FBXL17: variants seen among roughly 807,000 people sequenced by gnomAD.
FBXL17 encodes the protein F-box/LRR-repeat protein 17.
In FBXL17, 22 loss-of-function variants were observed where a neutral mutation model predicts 66.2. The ratio of observed to expected loss-of-function variants is 0.33; its 90% CI spans 0.24 to 0.47. FBXL17 has a LOEUF of 0.47. Among genes scored for constraint, FBXL17 ranks in the 20% least tolerant of loss-of-function variants. FBXL17 has a pLI of 1.00. For missense variants in FBXL17, 878 were observed against 948.2 expected (o/e 0.93, Z 0.97); for synonymous variants, 474 against 400.5 (o/e 1.18, Z -2.19).
chr5:108,288,692 A>G (rs901017182), intron 4 of FBXL17, among the ~76,000 whole-genome samples: 2 of 152,088 alleles, frequency 1.3e-5, no homozygotes, highest in African/African-American at 4.8e-5. Context: ...ATTAAAATTT[A>G]AAAGTCAGGA....
rs563235975 is a variant in FBXL17, at chr5:107,942,660, C to T, written c.1823-61481G>A. 2.0e-5 allele frequency among the ~76,000 whole-genome samples: 3 copies of T among 152,152 alleles called. No homozygotes were observed. The East Asian group carries it at 5.8e-4, about 29-fold the overall frequency. ...TCTTCACCTGTGCTTCCAGTGCACT[C>T]ATGACTACTACTCTGGGATTTTGTC... On this transcript the variant is annotated intron_variant, in intron 7 of 8. Coordinates refer to ENST00000542267, the MANE Select transcript of FBXL17 (RefSeq NM_001163315.3).
chr5:108,357,847 A>C (rs73216333), intron 3 of FBXL17, among the ~76,000 whole-genome samples: 2,202 of 150,864 alleles, frequency 0.015, 47 homozygotes, highest in African/African-American at 0.049. Flanking sequence ...ACTTCAGAAG[A>C]AATTTGAACA....
intron 7 of FBXL17, among the ~76,000 whole-genome samples, chr5:107,977,979 T>A (rs1261985190): frequency 1.3e-5 from 2 of 152,160 alleles, no homozygotes; most frequent in African/African-American, 4.8e-5. Context: ...TGGAAGGCCA[T>A]GATCTCTAAC....
rs1247682068 is a variant in FBXL17, at chr5:108,316,221, GA to G, written c.1506+32177del. Among the ~76,000 whole-genome samples, 5 of 147,876 alleles carry G rather than the reference GA, an allele frequency of 3.4e-5. No homozygotes were observed. The South Asian group carries it at 8.5e-4, about 25-fold the overall frequency. On this transcript the variant is annotated intron_variant, in intron 4 of 8. Coordinates refer to ENST00000542267, the MANE Select transcript of FBXL17 (RefSeq NM_001163315.3). ...CATGACCCTCTAAAACTTCAAAGGA[GA>G]AAAAAAAACAGTGACAAACTGTTAT...
intron 2 of FBXL17, among the ~76,000 whole-genome samples, chr5:108,366,072 G>GT (rs754052006): frequency 2.6e-5 from 4 of 152,070 alleles, no homozygotes; most frequent in East Asian, 3.8e-4. Flanking sequence ...ACCACAGCGT[G>GT]TAAGTTTTTA....
intron 4 of FBXL17, chr5:108,298,360 G>A (rs951936801): frequency 2.0e-6 from 2 of 981,796 alleles, no homozygotes; most frequent in Non-Finnish European, 2.4e-6. Context: ...TCTGTGCATA[G>A]AGAAAGTTAT....
intron 6 of FBXL17, among the ~76,000 whole-genome samples, chr5:108,149,662 T>C (rs1751693437): frequency 6.6e-6 from 1 of 152,242 alleles, no homozygotes; most frequent in Non-Finnish European, 1.5e-5. Context: ...ATACCAATCT[T>C]GGTACTCTTA....
At chr5:108,004,186 C>T (rs931714205) in intron 7 of FBXL17, among the ~76,000 whole-genome samples, 6 of 152,050 alleles carry the variant, frequency 3.9e-5, no homozygotes, top group African/African-American at 1.2e-4. Context: ...AAATTTAATT[C>T]CTAAATTGTA....
chr5:108,356,375 C>T (rs1198738388), intron 3 of FBXL17, among the ~76,000 whole-genome samples: 1 of 152,138 alleles, frequency 6.6e-6, no homozygotes, highest in African/African-American at 2.4e-5. Flanking sequence ...CAAAAACCTA[C>T]ACACAGAAGT....
At chr5:107,971,393 C>T (rs1334333411) in intron 7 of FBXL17, among the ~76,000 whole-genome samples, 1 of 152,154 alleles carries the variant, frequency 6.6e-6, no homozygotes, top group Non-Finnish European at 1.5e-5. Context: ...AGGTCTTTTT[C>T]AAGGCGCACT....
intron 7 of FBXL17, among the ~76,000 whole-genome samples, chr5:108,015,635 T>A (rs1754354146): frequency 6.6e-6 from 1 of 152,150 alleles, no homozygotes; most frequent in African/African-American, 2.4e-5. Context: ...AATTTATCAG[T>A]GCTAGTCTGG....
chr5:107,987,871 C>T (rs563967552), intron 7 of FBXL17, among the ~76,000 whole-genome samples: 2 of 151,796 alleles, frequency 1.3e-5, no homozygotes, highest in Non-Finnish European at 2.9e-5. Context: ...AATTCTTTGG[C>T]CATGTTGAAT....
intron 7 of FBXL17, among the ~76,000 whole-genome samples, chr5:108,013,014 C>CAAAAA (rs57393639): frequency 1.1e-4 from 9 of 79,376 alleles, no homozygotes; most frequent in African/African-American, 1.6e-4. Flanking sequence ...AACTCCGTCT[C>CAAAAA]AAAAAAAAAA....
At chr5:108,204,428 C>A (rs781716401) in intron 5 of FBXL17, among the ~76,000 whole-genome samples, 10 of 152,074 alleles carry the variant, frequency 6.6e-5, no homozygotes, top group Non-Finnish European at 1.3e-4. Context: ...TCAAGGAATC[C>A]TCTCACCTCA....
chr5:108,209,571 G>A (rs1282990080), intron 5 of FBXL17, among the ~76,000 whole-genome samples: 2 of 152,152 alleles, frequency 1.3e-5, no homozygotes, highest in African/African-American at 4.8e-5. Context: ...AGATAATCAT[G>A]TGTTTTCTGT....
intron 7 of FBXL17, among the ~76,000 whole-genome samples, chr5:108,000,212 T>A (rs190287744): frequency 2.0e-3 from 300 of 152,288 alleles, no homozygotes; most frequent in African/African-American, 6.9e-3. Context: ...AATAATAATA[T>A]CAATAACAAC....
intron 6 of FBXL17, among the ~76,000 whole-genome samples, chr5:108,036,476 G>T (rs958570184): frequency 1.3e-5 from 2 of 152,020 alleles, no homozygotes; most frequent in Non-Finnish European, 2.9e-5. Flanking sequence ...TTTACATTCC[G>T]TATCTGGCCC....
intron 6 of FBXL17, among the ~76,000 whole-genome samples, chr5:108,145,763 G>C (rs1751528731): frequency 6.6e-6 from 1 of 151,160 alleles, no homozygotes. Context: ...ATTTTTAAAG[G>C]GCAGCAAAGG....
At chr5:108,050,303 A>G (rs1747421100) in intron 6 of FBXL17, among the ~76,000 whole-genome samples, 1 of 152,258 alleles carries the variant, frequency 6.6e-6, no homozygotes, top group African/African-American at 2.4e-5. Context: ...AAAATCGACC[A>G]CAAATTGGAA....
Sources: gnomAD v4.1 joint callset for allele counts (sites outside exome capture counted in the v4.1 genomes callset) on GRCh38, gnomAD v4.1.1 for gene constraint, MANE v1.5 for transcripts, NCBI Gene and HGNC (gene_info 2026-07-23, HGNC 2026-07-21) for gene names.